FGF2: variants seen among roughly 807,000 people sequenced by gnomAD.
FGF2 encodes fibroblast growth factor 2.
FGF2 carries 13 observed loss-of-function variants against 15.9 expected under a neutral mutation model. The observed-to-expected ratio is 0.82, with a 90% CI of 0.53 to 1.30. The LOEUF is 1.30. Ranked by LOEUF, FGF2 falls within the 50% of genes most tolerant of loss-of-function variation. The pLI, the probability that FGF2 is intolerant of heterozygous loss-of-function variation, is 0.00. For missense variants in FGF2, 163 were observed against 196.9 expected (o/e 0.83, Z 1.03); for synonymous variants, 90 against 78.4 (o/e 1.15, Z -0.78).
chr4:122,861,019 T>C (rs1331558559), intron 1 of FGF2, among the ~76,000 whole-genome samples: 1 of 152,200 alleles, frequency 6.6e-6, no homozygotes, highest in Non-Finnish European at 1.5e-5. Context: ...GGTGTGCATA[T>C]ACGTATCTTC....
At chr4:122,870,958 T>G (rs1162458213) in intron 1 of FGF2, among the ~76,000 whole-genome samples, 2 of 152,204 alleles carry the variant, frequency 1.3e-5, no homozygotes, top group African/African-American at 4.8e-5. Context: ...ATGTGGGCAT[T>G]TAGTGCTAAA....
chr4:122,864,606 A>C (rs566566888), intron 1 of FGF2, among the ~76,000 whole-genome samples: 1 of 152,360 alleles, frequency 6.6e-6, no homozygotes, highest in Non-Finnish European at 1.5e-5. Context: ...ATACGTCTCC[A>C]AACTCCCTTT....
intron 1 of FGF2, among the ~76,000 whole-genome samples, chr4:122,846,367 C>T (rs1017398394): frequency 6.6e-6 from 1 of 152,108 alleles, no homozygotes; most frequent in East Asian, 1.9e-4. Context: ...TAGACTTGCT[C>T]GATGCAGGAT....
intron 1 of FGF2, among the ~76,000 whole-genome samples, chr4:122,875,757 T>C (rs1214125279): frequency 6.6e-6 from 1 of 151,882 alleles, no homozygotes; most frequent in African/African-American, 2.4e-5. Flanking sequence ...CAGTGAGCCG[T>C]GATTGTGCCA....
intron 1 of FGF2, among the ~76,000 whole-genome samples, chr4:122,867,068 A>C (rs1424120352): frequency 6.6e-6 from 1 of 152,224 alleles, no homozygotes; most frequent in South Asian, 2.1e-4. Flanking sequence ...TGAAAGAGGC[A>C]GTCACATTTT....
chr4:122,880,329 C>T (rs1250592525), intron 2 of FGF2, among the ~76,000 whole-genome samples: 1 of 150,642 alleles, frequency 6.6e-6, no homozygotes, highest in African/African-American at 2.5e-5. Flanking sequence ...TCACTGCAAG[C>T]TCCACCTCCC....
rs531070061 is a variant in FGF2, at chr4:122,881,711, ATCT to A, written c.282+5291_282+5293del. On this transcript the variant is annotated intron_variant, in intron 2 of 2. Coordinates refer to ENST00000644866, the MANE Select transcript of FGF2 (RefSeq NM_001361665.2). ...CCAAACTTTCCCACATTTTCCTGTCATCTTCTGAGCTCTCCAACCTATTCCAAC... is the reference window on the plus strand; with the variant it reads ...CCAAACTTTCCCACATTTTCCTGTCATCTGAGCTCTCCAACCTATTCCAAC... Among the ~76,000 whole-genome samples the A allele has an allele frequency of 4.1e-4, 63 of 152,278 alleles. 1 individual carries two copies. The South Asian group carries it at 0.012, about 29-fold the overall frequency.
Position 122,893,158 on chromosome 4 carries a change from A to G in FGF2, c.*762A>G. The G allele has an allele frequency of 6.2e-7, 1 of 1,614,168 alleles. No homozygotes were observed. Among genetic ancestry groups the G allele is most frequent in the Non-Finnish European group, 8.5e-7 (1 of 1,180,034 alleles). On this transcript the variant is annotated 3_prime_UTR_variant, in exon 3 of 3. Transcript: ENST00000644866. ...CAGGATTTGTGTGCTGTTGCCGAAT[A>G]CTCAGGACGGACCTGAATTCTGATT...
chr4:122,889,934 A>G (rs1276819990), intron 2 of FGF2: 2 of 152,180 alleles, frequency 1.3e-5, no homozygotes, highest in East Asian at 1.9e-4. Flanking sequence ...AACACCAACA[A>G]ATGAACATAT....
chr4:122,840,328 G>T (rs1423084721), intron 1 of FGF2: 1 of 152,176 alleles, frequency 6.6e-6, no homozygotes, highest in Non-Finnish European at 1.5e-5. Context: ...ACTCTCCTGG[G>T]CCCTTGCTTC....
chr4:122,869,519 T>C (rs1156548284), intron 1 of FGF2, among the ~76,000 whole-genome samples: 1 of 152,226 alleles, frequency 6.6e-6, no homozygotes, highest in African/African-American at 2.4e-5. Context: ...CCTTGAGCAG[T>C]GGTTTGTAGT....
intron 2 of FGF2, among the ~76,000 whole-genome samples, chr4:122,887,875 G>T (rs1369657161): frequency 6.6e-6 from 1 of 152,024 alleles, no homozygotes; most frequent in East Asian, 1.9e-4. Flanking sequence ...GAGAATACTT[G>T]TTTACTGGCA....
At chr4:122,875,124 T>G (rs865849860) in intron 1 of FGF2, among the ~76,000 whole-genome samples, 2 of 152,150 alleles carry the variant, frequency 1.3e-5, no homozygotes, top group Non-Finnish European at 2.9e-5. Flanking sequence ...CAAAAATATA[T>G]TTGGGGGAAT....
intron 1 of FGF2, among the ~76,000 whole-genome samples, chr4:122,872,872 G>T (rs1393692249): frequency 6.6e-6 from 1 of 152,144 alleles, no homozygotes; most frequent in Non-Finnish European, 1.5e-5. Context: ...GCTCCTGAAA[G>T]GAGCACTCAA....
Position 122,860,447 on chromosome 4 carries a change from C to CTTTTT in FGF2, c.179-15853_179-15849dup, listed in dbSNP as rs34541038. ...TTCACCTAGATTTCCCTAAGGTTAA[C>CTTTTT]TTTTTTTTTTTTTTTTTTTTTTTTT... On this transcript the variant is annotated intron_variant, in intron 1 of 2. Coordinates refer to ENST00000644866, the MANE Select transcript of FGF2 (RefSeq NM_001361665.2). Among the ~76,000 whole-genome samples the CTTTTT allele has an allele frequency of 2.4e-3, 216 of 90,920 alleles. 10 individuals carry two copies. Among genetic ancestry groups the CTTTTT allele is most frequent in the Non-Finnish European group, 3.6e-3 (179 of 50,418 alleles). 59.6% of individuals were successfully genotyped at this position (90,920 alleles called of 152,430 possible).
intron 1 of FGF2, among the ~76,000 whole-genome samples, chr4:122,875,561 C>A (rs963471069): frequency 6.6e-6 from 1 of 151,736 alleles, no homozygotes; most frequent in Non-Finnish European, 1.5e-5. Context: ...GTAATCCCAG[C>A]ACTTTGGGAG....
chr4:122,853,113 C>T (rs565272211), intron 1 of FGF2, among the ~76,000 whole-genome samples: 5 of 152,180 alleles, frequency 3.3e-5, no homozygotes, highest in South Asian at 2.1e-4. Context: ...GCCTGGGCAA[C>T]ATGGCAAAAT....
intron 1 of FGF2, among the ~76,000 whole-genome samples, chr4:122,854,774 CATTG>C (rs1354836911): frequency 1.3e-5 from 2 of 152,146 alleles, no homozygotes; most frequent in Non-Finnish European, 1.5e-5. Flanking sequence ...TAATGCTCGT[CATTG>C]ATTGAGAGAC....
rs148587537 is a variant in FGF2, at chr4:122,876,325, G to T, written c.183G>T (p.Lys61Asn). ...TAATTTTTTTTCCCGTTACAGTCAA[G>T]CTACAACTTCAAGCAGAAGAGAGAG... ...GVREKSDPHI[K>N]LQLQAEERGV... Residue 61 changes from lysine (K) to asparagine (N), a missense_variant, in exon 2 of 3, where the codon AAG becomes AAT. Transcript: ENST00000644866. The T allele has an allele frequency of 3.9e-4, 622 of 1,605,748 alleles. 4 individuals carry two copies. In the African/African-American group the frequency reaches 4.6e-3, roughly 12 times the overall value.
Sources: allele counts gnomAD v4.1 joint callset (sites outside exome capture counted in the v4.1 genomes callset), GRCh38; gene constraint gnomAD v4.1.1; transcripts MANE v1.5; gene names NCBI Gene and HGNC (gene_info 2026-07-23, HGNC 2026-07-21).